The following RSBN1L variants were observed in gnomAD, a reference collection of about 807,000 sequenced individuals.
RSBN1L encodes lysine-specific demethylase RSBN1L.
In RSBN1L, 30 loss-of-function variants were observed where a neutral mutation model predicts 67.7. That is an observed-to-expected ratio of 0.44 (90% CI 0.33 to 0.60). The LOEUF is 0.60. Ranked by LOEUF, RSBN1L falls within the 20% of genes least tolerant of loss-of-function variation. RSBN1L has a pLI of 0.02. For missense variants in RSBN1L, 992 were observed against 1,031.7 expected (o/e 0.96, Z 0.53); for synonymous variants, 433 against 387.0 (o/e 1.12, Z -1.39).
chr7:77,761,604 A>G (rs552977281), intron 3 of RSBN1L, among the ~76,000 whole-genome samples: 4 of 152,176 alleles, frequency 2.6e-5, no homozygotes, highest in Non-Finnish European at 5.9e-5. Flanking sequence ...AAGCGTGTGG[A>G]TTTTATTCTT....
intron 1 of RSBN1L, among the ~76,000 whole-genome samples, chr7:77,701,598 C>A (rs1790819164): frequency 6.6e-6 from 1 of 151,080 alleles, no homozygotes; most frequent in South Asian, 2.1e-4. Context: ...ATATTTTTTT[C>A]TTTGGTGTTT....
At chr7:77,777,014 A>T (rs373882419) in intron 6 of RSBN1L, among the ~76,000 whole-genome samples, 8 of 145,212 alleles carry the variant, frequency 5.5e-5, no homozygotes, top group South Asian at 4.3e-4. Flanking sequence ...TAAGCATTCC[A>T]TTTTACCTCC....
intron 2 of RSBN1L, among the ~76,000 whole-genome samples, chr7:77,745,713 C>G (rs181525084): frequency 6.6e-6 from 1 of 152,256 alleles, no homozygotes; most frequent in African/African-American, 2.4e-5. Context: ...GATTCAAGGA[C>G]ACTACATTTA....
At chr7:77,752,294 C>A (rs982566334) in intron 3 of RSBN1L, among the ~76,000 whole-genome samples, 3 of 152,192 alleles carry the variant, frequency 2.0e-5, no homozygotes, top group Non-Finnish European at 4.4e-5. Flanking sequence ...TGATCTGCTA[C>A]CCTGGTGACC....
Position 77,697,012 on chromosome 7 carries a change from G to A in RSBN1L, c.543G>A (p.Gly181=). 2 of 1,528,304 alleles carry A rather than the reference G, an allele frequency of 1.3e-6. No homozygotes were observed. The highest frequency in any genetic ancestry group is 1.7e-6 in the Non-Finnish European group (2 of 1,143,396). 94.7% of individuals were successfully genotyped at this position (1,528,304 alleles called of 1,614,324 possible). A position where few individuals can be genotyped will look rare whatever the true frequency, so the allele number is the denominator to read the frequency against. Residue 181 remains glycine, a synonymous_variant, in exon 1 of 8, where the codon GGG becomes GGA. Coordinates refer to ENST00000334955, the MANE Select transcript of RSBN1L (RefSeq NM_198467.3). ...TCGGTGGGGCCCGAGAGGCCGGCGG[G>A]GCCTCCCGGGAGGAGAACGGGGAGG... ...HGLGGAREAG[G]ASREENGEVK...
At chr7:77,745,873 A>G (rs562345671) in intron 2 of RSBN1L, among the ~76,000 whole-genome samples, 3 of 152,322 alleles carry the variant, frequency 2.0e-5, no homozygotes, top group African/African-American at 7.2e-5. Flanking sequence ...ATCGTTAGGC[A>G]TTAGAGTCTC....
chr7:77,710,619 A>G (rs1376263627), intron 1 of RSBN1L, among the ~76,000 whole-genome samples: 1 of 151,890 alleles, frequency 6.6e-6, no homozygotes, highest in Non-Finnish European at 1.5e-5. Context: ...TTTTTGAGAT[A>G]GAGTCTCGCT....
intron 3 of RSBN1L, among the ~76,000 whole-genome samples, chr7:77,752,160 T>C (rs1364954068): frequency 1.3e-5 from 2 of 152,220 alleles, no homozygotes; most frequent in East Asian, 3.8e-4. Context: ...AAGTCCTTGA[T>C]GAGCCACCTC....
chr7:77,739,127 T>C (rs1791374670), intron 2 of RSBN1L, among the ~76,000 whole-genome samples: 1 of 152,180 alleles, frequency 6.6e-6, no homozygotes, highest in Non-Finnish European at 1.5e-5. Flanking sequence ...TGGGGCCATT[T>C]CCCAAGTGAG....
chr7:77,774,969 C>G (rs1296739313), intron 6 of RSBN1L, among the ~76,000 whole-genome samples: 1 of 152,086 alleles, frequency 6.6e-6, no homozygotes, highest in East Asian at 1.9e-4. Flanking sequence ...TCAAGCAAGC[C>G]TCCTGCCTCA....
intron 1 of RSBN1L, among the ~76,000 whole-genome samples, chr7:77,718,842 G>A (rs1339433981): frequency 3.3e-5 from 5 of 152,162 alleles, no homozygotes; most frequent in Admixed American, 2.6e-4. Flanking sequence ...TCTGCTTCAC[G>A]CAGTGTTGAC....
chr7:77,717,460 A>C (rs570025963), intron 1 of RSBN1L, among the ~76,000 whole-genome samples: 24 of 152,366 alleles, frequency 1.6e-4, no homozygotes, highest in Non-Finnish European at 2.4e-4. Context: ...AATTGTAATC[A>C]GAAACAGAAT....
chr7:77,720,544 A>G (rs924103844), intron 1 of RSBN1L, among the ~76,000 whole-genome samples: 31 of 152,076 alleles, frequency 2.0e-4, no homozygotes, highest in Admixed American at 2.0e-3. Flanking sequence ...GGGCAACAAG[A>G]GCGAAACTCC....
At chr7:77,731,605 C>G (rs1339067921) in intron 1 of RSBN1L, among the ~76,000 whole-genome samples, 1 of 152,140 alleles carries the variant, frequency 6.6e-6, no homozygotes, top group African/African-American at 2.4e-5. Context: ...GATAATAACC[C>G]TTTATTGGAT....
intron 1 of RSBN1L, among the ~76,000 whole-genome samples, chr7:77,720,917 C>G (rs190209118): frequency 3.3e-5 from 5 of 151,882 alleles, no homozygotes; most frequent in African/African-American, 9.7e-5. Flanking sequence ...CGACCTTGCC[C>G]GGCTACATTT....
chr7:77,733,355 G>A (rs893009304), intron 1 of RSBN1L, among the ~76,000 whole-genome samples: 1 of 152,140 alleles, frequency 6.6e-6, no homozygotes, highest in African/African-American at 2.4e-5. Context: ...ATCAGGAGGG[G>A]TAACTGCAAT....
At chr7:77,742,850 C>T (rs1265614458) in intron 2 of RSBN1L, among the ~76,000 whole-genome samples, 2 of 152,142 alleles carry the variant, frequency 1.3e-5, no homozygotes, top group African/African-American at 4.8e-5. Context: ...ACAACAACAA[C>T]AACAACGAAC....
intron 1 of RSBN1L, among the ~76,000 whole-genome samples, chr7:77,700,716 T>C (rs1182680504): frequency 1.3e-5 from 2 of 152,242 alleles, no homozygotes; most frequent in Non-Finnish European, 2.9e-5. Context: ...CCTTTTGTTT[T>C]TCATGTCTCA....
At chr7:77,766,395 G>C (rs760617946) in intron 4 of RSBN1L, among the ~76,000 whole-genome samples, 1 of 152,236 alleles carries the variant, frequency 6.6e-6, no homozygotes, top group African/African-American at 2.4e-5. Context: ...ATGTTGCTCA[G>C]GCTGGTCTTG....
Sources: gnomAD v4.1 joint callset for allele counts (sites outside exome capture counted in the v4.1 genomes callset) on GRCh38, gnomAD v4.1.1 for gene constraint, MANE v1.5 for transcripts, NCBI Gene and HGNC (gene_info 2026-07-23, HGNC 2026-07-21) for gene names.